The following CYP4X1 variants were observed in gnomAD, a reference collection of about 807,000 sequenced individuals.
CYP4X1 encodes cytochrome P450 4X1.
Under a neutral mutation model 57.9 loss-of-function variants are expected in CYP4X1, and 44 were observed. That is an observed-to-expected ratio of 0.76 (90% CI 0.60 to 0.98). The LOEUF is 0.98. Ranked by LOEUF, CYP4X1 falls within the 50% of genes least tolerant of loss-of-function variation. The pLI is 0.00. For missense variants in CYP4X1, 532 were observed against 623.9 expected, an observed-to-expected ratio of 0.85 and a Z score of 1.57; for synonymous variants, 227 against 228.6, an observed-to-expected ratio of 0.99 and a Z score of 0.06.
the CYP4X1 span, among the ~76,000 whole-genome samples, chr1:46,972,854 G>C: frequency 6.6e-6 from 1 of 152,028 alleles, no homozygotes; most frequent in Non-Finnish European, 1.5e-5. Context: ...GAATTTTCTA[G>C]GTATAGAATC....
At chr1:47,049,393 A>G (rs779208526) in intron 10 of CYP4X1, 29 bp from the exon 11 acceptor site, 37 of 1,571,958 alleles carry the variant, frequency 2.4e-5, no homozygotes, top group Non-Finnish European at 1.8e-5. Context: ...TGTTTGGGGG[A>G]TGGTGTTGGG....
At chr1:47,049,372 TGTGTTCATGTTGTTTGGGGGATG>T (rs1357767655) in intron 10 of CYP4X1, 27 bp from the exon 11 acceptor site, 2 of 1,397,146 alleles carry the variant, frequency 1.4e-6, no homozygotes, top group African/African-American at 2.8e-5. Context: ...GGTGAAGAAA[TGTGTTCATGTTGTTTGGGGGATG>T]GTGTTGGGGT....
At chr1:46,977,178 G>GAAAC in the CYP4X1 span, among the ~76,000 whole-genome samples, 1 of 152,094 alleles carries the variant, frequency 6.6e-6, no homozygotes, top group East Asian at 1.9e-4. Context: ...AAACTTCTCT[G>GAAAC]AGCTAAAGGA....
the CYP4X1 span, among the ~76,000 whole-genome samples, chr1:47,002,415 C>T: frequency 6.6e-6 from 1 of 152,202 alleles, no homozygotes; most frequent in Non-Finnish European, 1.5e-5. Context: ...GTGGCAGTGA[C>T]ATGATTGGCA....
chr1:47,003,554 A>G, the CYP4X1 span, among the ~76,000 whole-genome samples: 25 of 152,168 alleles, frequency 1.6e-4, no homozygotes, highest in Admixed American at 6.5e-5. Flanking sequence ...TGATGCCGGC[A>G]ACTGCTCAGC....
chr1:47,048,012 G>A (rs1238894858), intron 9 of CYP4X1, among the ~76,000 whole-genome samples: 1 of 152,010 alleles, frequency 6.6e-6, no homozygotes, highest in East Asian at 1.9e-4. Context: ...TGACACCAAG[G>A]TGGGAAGACT....
At chr1:46,984,986 T>G in the CYP4X1 span, among the ~76,000 whole-genome samples, 1 of 151,794 alleles carries the variant, frequency 6.6e-6, no homozygotes, top group African/African-American at 2.4e-5. Context: ...AGCACAGGAG[T>G]CTGAGGTCAA....
Position 47,050,355 on chromosome 1 carries a change from C to A in CYP4X1, c.*181C>A, listed in dbSNP as rs1396544099. On this transcript the variant is annotated 3_prime_UTR_variant, in exon 12 of 12. Coordinates refer to ENST00000371901, the MANE Select transcript of CYP4X1 (RefSeq NM_178033.2). ...CACAGTGTGTCAGCTAGATCTGTTT[C>A]TATATAACTTTGGGAGATTTTCAGA... 1.0e-5 allele frequency: 6 copies of A among 602,706 alleles called. No homozygotes were observed. Among genetic ancestry groups the A allele is most frequent in the Non-Finnish European group, 1.7e-5 (6 of 354,300 alleles). 37.3% of individuals were successfully genotyped at this position (602,706 alleles called of 1,614,324 possible).
chr1:46,964,375 C>G, the CYP4X1 span, among the ~76,000 whole-genome samples: 7 of 152,168 alleles, frequency 4.6e-5, no homozygotes, highest in Non-Finnish European at 8.8e-5. Context: ...GTGGTTTTAT[C>G]TACCTTTGGA....
the CYP4X1 span, among the ~76,000 whole-genome samples, chr1:47,011,430 T>C: frequency 2.0e-5 from 3 of 152,168 alleles, no homozygotes; most frequent in Admixed American, 1.3e-4. Flanking sequence ...AAGACTTAAA[T>C]GTTAGACCTA....
chr1:47,011,496 G>A, the CYP4X1 span, among the ~76,000 whole-genome samples: 1 of 152,156 alleles, frequency 6.6e-6, no homozygotes, highest in Admixed American at 6.5e-5. Context: ...ACATAGGTAT[G>A]GGCAAGGACT....
chr1:46,969,840 G>A, the CYP4X1 span, among the ~76,000 whole-genome samples: 1 of 152,178 alleles, frequency 6.6e-6, no homozygotes, highest in African/African-American at 2.4e-5. Flanking sequence ...TAGGACTATG[G>A]TACAGAGATT....
intron 3 of CYP4X1, 124 bp downstream of exon 3, chr1:47,031,604 T>G (rs1644124368): frequency 9.7e-7 from 1 of 1,034,356 alleles, no homozygotes; most frequent in African/African-American, 1.6e-5. Context: ...AGAGCTATAC[T>G]GAACGTTATC....
rs1164410811 is a variant in CYP4X1 at position 47,035,908 on chromosome 1, A to G, written c.595A>G (p.Lys199Glu). 1.2e-6 allele frequency: 2 copies of G among 1,613,644 alleles called. No individual in the cohort carries two copies. The highest frequency in any genetic ancestry group is 1.7e-6 in the Non-Finnish European group (2 of 1,179,784). The change falls in exon 5 of 12, where the codon AAG becomes GAG. Residue 199 changes from lysine to glutamate, a missense_variant. Lys to Glu is a moderately conservative substitution (Grantham distance 56). Transcript: ENST00000371901. ...TATAATCATGAAATGCGCTTTCAGC[A>G]AGGAGACCAACTGCCAGACAAACAG... ...LDIIMKCAFS[K>E]ETNCQTNSTH...
the CYP4X1 span, among the ~76,000 whole-genome samples, chr1:46,968,638 C>T: frequency 0.043 from 6,614 of 152,224 alleles, 486 homozygotes; most frequent in African/African-American, 0.14. Context: ...CAGTCACAGT[C>T]CAGTGCCTAG....
the CYP4X1 span, among the ~76,000 whole-genome samples, chr1:47,015,776 A>G: frequency 7.2e-5 from 11 of 152,104 alleles, no homozygotes; most frequent in Non-Finnish European, 1.5e-4. Flanking sequence ...CTGGCTATCT[A>G]TGAAGTTTCT....
the CYP4X1 span, among the ~76,000 whole-genome samples, chr1:46,981,921 G>C: frequency 6.6e-6 from 1 of 152,188 alleles, no homozygotes; most frequent in African/African-American, 2.4e-5. Flanking sequence ...TCATAGGTGG[G>C]AATTGAACTA....
At chr1:46,999,718 C>T in the CYP4X1 span, among the ~76,000 whole-genome samples, 1 of 150,696 alleles carries the variant, frequency 6.6e-6, no homozygotes, top group Non-Finnish European at 1.5e-5. Context: ...ACTATGAATA[C>T]ATTCTGCAAT....
chr1:47,038,326 A>G (rs1644207803), intron 6 of CYP4X1, among the ~76,000 whole-genome samples: 1 of 151,864 alleles, frequency 6.6e-6, no homozygotes, highest in Non-Finnish European at 1.5e-5. Context: ...CCTGTCTTCT[A>G]TTTCATTCCA....
Sources: allele counts gnomAD v4.1 joint callset (sites outside exome capture counted in the v4.1 genomes callset), GRCh38; gene constraint gnomAD v4.1.1; transcripts MANE v1.5; gene names NCBI Gene and HGNC (gene_info 2026-07-23, HGNC 2026-07-21).